Variants in CCDC102B observed in about 807,000 individuals in gnomAD.
CCDC102B encodes coiled-coil domain-containing protein 102B.
In CCDC102B, 75 loss-of-function variants were observed where a neutral mutation model predicts 57.4. The observed-to-expected ratio is 1.31, with a 90% CI of 1.08 to 1.58. CCDC102B has a LOEUF of 1.58. Among genes scored for constraint, CCDC102B ranks in the 40% most tolerant of loss-of-function variants. CCDC102B has a pLI of 0.00. For synonymous variants in CCDC102B, 206 were observed against 201.9 expected (o/e 1.02, Z -0.17); for missense variants, 636 against 582.6 (o/e 1.09, Z -0.94).
intron 7 of CCDC102B, among the ~76,000 whole-genome samples, chr18:69,053,778 T>C (rs1158422259): frequency 6.6e-6 from 1 of 151,892 alleles, no homozygotes; most frequent in Non-Finnish European, 1.5e-5. Flanking sequence ...TATTTTTAAA[T>C]TGACAAGTAA....
At chr18:68,732,157 C>G (rs958779022) in intron 2 of CCDC102B, among the ~76,000 whole-genome samples, 17 of 151,424 alleles carry the variant, frequency 1.1e-4, no homozygotes, top group African/African-American at 4.1e-4. Flanking sequence ...AGGGGGGAAT[C>G]TTCAATCTCT....
intron 7 of CCDC102B, among the ~76,000 whole-genome samples, chr18:69,024,893 T>C (rs554009281): frequency 6.6e-6 from 1 of 152,122 alleles, no homozygotes; most frequent in African/African-American, 2.4e-5. Flanking sequence ...ATATAGTTCT[T>C]ATATAGGTTT....
intron 7 of CCDC102B, among the ~76,000 whole-genome samples, chr18:69,024,240 G>C (rs1568132473): frequency 6.6e-6 from 1 of 151,978 alleles, no homozygotes; most frequent in Non-Finnish European, 1.5e-5. Context: ...TTGAAGGTTT[G>C]TCAGGCAAGT....
chr18:68,950,128 A>G (rs2049653893), intron 6 of CCDC102B, among the ~76,000 whole-genome samples: 1 of 152,268 alleles, frequency 6.6e-6, no homozygotes, highest in African/African-American at 2.4e-5. Context: ...TTCAGGATTC[A>G]GCAAGAGTTG....
chr18:68,785,407 A>T (rs1047359212), intron 2 of CCDC102B, among the ~76,000 whole-genome samples: 2 of 152,178 alleles, frequency 1.3e-5, no homozygotes, highest in Non-Finnish European at 1.5e-5. Context: ...CGCCACATTG[A>T]CTTCCACAAT....
intron 1 of CCDC102B, among the ~76,000 whole-genome samples, chr18:68,816,696 C>T (rs1181008483): frequency 1.3e-5 from 2 of 152,108 alleles, no homozygotes; most frequent in African/African-American, 2.4e-5. Flanking sequence ...GATAACCTGA[C>T]ATCGTGATCC....
rs867454909 is a variant in CCDC102B, at chr18:68,880,176, G to A, written c.1053+5391G>A. Among the ~76,000 whole-genome samples, 280 of 151,938 alleles carry A rather than the reference G, an allele frequency of 1.8e-3. 3 individuals are homozygous for A. Among genetic ancestry groups the A allele is most frequent in the African/African-American group, 6.4e-3 (266 of 41,444 alleles). On this transcript the variant is annotated intron_variant, in intron 5 of 7. Coordinates refer to ENST00000360242, the MANE Select transcript of CCDC102B (RefSeq NM_024781.3). The stretch of plus-strand genomic sequence containing the variant: ...GCTAAGGCCCGGTGAGAAATCGAGC[G>A]CAGCGCCGGTGGGCTGGCACTGCTG...
intron 2 of CCDC102B, among the ~76,000 whole-genome samples, chr18:68,752,222 T>C (rs1192265305): frequency 6.6e-6 from 1 of 152,028 alleles, no homozygotes; most frequent in Non-Finnish European, 1.5e-5. Flanking sequence ...ATCGCGCCAC[T>C]GCACTCCAGC....
At chr18:69,009,287 G>T (rs2145386041) in intron 6 of CCDC102B, among the ~76,000 whole-genome samples, 1 of 152,096 alleles carries the variant, frequency 6.6e-6, no homozygotes, top group East Asian at 1.9e-4. Context: ...ATAAAATAAT[G>T]CAGACAGATC....
At chr18:69,011,237 A>T in intron 7 of CCDC102B, 133 bp downstream of exon 7, 1 of 788,788 alleles carries the variant, frequency 1.3e-6, no homozygotes, top group Non-Finnish European at 2.0e-6. Flanking sequence ...ACTGAAATCA[A>T]TTTAAAAAGA....
intron 7 of CCDC102B, among the ~76,000 whole-genome samples, chr18:69,022,193 C>CTATATATATATATA (rs57226048): frequency 2.0e-3 from 282 of 141,946 alleles, no homozygotes; most frequent in African/African-American, 7.7e-3. Flanking sequence ...ATCCTTTAGC[C>CTATATATATATATA]TATATATATA....
intron 6 of CCDC102B, among the ~76,000 whole-genome samples, chr18:68,911,850 T>A (rs1484633171): frequency 1.4e-5 from 2 of 148,014 alleles, no homozygotes; most frequent in African/African-American, 5.0e-5. Flanking sequence ...CAAACCCCCA[T>A]GATATGAATT....
intron 6 of CCDC102B, among the ~76,000 whole-genome samples, chr18:68,920,299 C>T (rs2041231833): frequency 6.6e-6 from 1 of 152,112 alleles, no homozygotes; most frequent in Non-Finnish European, 1.5e-5. Flanking sequence ...ACCAAAACAG[C>T]ATAGTACTGA....
At chr18:69,009,659 T>G (rs2051448404) in intron 6 of CCDC102B, among the ~76,000 whole-genome samples, 1 of 152,058 alleles carries the variant, frequency 6.6e-6, no homozygotes, top group Admixed American at 6.6e-5. Flanking sequence ...ATTTTATGGC[T>G]ATTTTTTACT....
At chr18:68,863,342 G>A (rs8086158) in intron 4 of CCDC102B, among the ~76,000 whole-genome samples, 51,890 of 151,554 alleles carry the variant, frequency 0.34, 9,787 homozygotes, top group African/African-American at 0.5. Flanking sequence ...CAAAATGAAA[G>A]TCGGATTTAA....
intron 4 of CCDC102B, among the ~76,000 whole-genome samples, chr18:68,848,590 T>C (rs2037979258): frequency 6.6e-6 from 1 of 152,040 alleles, no homozygotes; most frequent in African/African-American, 2.4e-5. Context: ...TCTAAGTGTT[T>C]AAAATACAAC....
intron 7 of CCDC102B, among the ~76,000 whole-genome samples, chr18:69,036,231 A>G (rs2052288367): frequency 6.6e-6 from 1 of 151,788 alleles, no homozygotes; most frequent in Non-Finnish European, 1.5e-5. Flanking sequence ...AGAAATTACT[A>G]TTTTCTAATA....
chr18:68,911,509 T>A (rs1194021862), intron 6 of CCDC102B, among the ~76,000 whole-genome samples: 1 of 150,104 alleles, frequency 6.7e-6, no homozygotes, highest in South Asian at 2.1e-4. Context: ...TCCCAGCACT[T>A]TGGGAGGCCG....
rs1332247600 is a variant in CCDC102B, at chr18:68,837,233, A to T, written c.470A>T (p.Asp157Val). Residue 157 changes from aspartate to valine, a missense_variant, in exon 2 of 8, where the codon GAT (aspartate) becomes GTT (valine). Transcript: ENST00000360242. ...GCATTAGAAGCTAAAGTTACCCAGGATCTGAAGCTTCCTGGCTTCGTAGAA... is the reference window on the plus strand; with the variant it reads ...GCATTAGAAGCTAAAGTTACCCAGGTTCTGAAGCTTCCTGGCTTCGTAGAA... The part of the protein sequence containing the change: ...KEALEAKVTQ[D>V]LKLPGFVEES... The T allele has an allele frequency of 6.2e-7, 1 of 1,613,900 alleles. No homozygotes were observed. Among genetic ancestry groups the T allele is most frequent in the Non-Finnish European group, 8.5e-7 (1 of 1,179,896 alleles).
Sources: gnomAD v4.1 joint callset for allele counts (sites outside exome capture counted in the v4.1 genomes callset) on GRCh38, gnomAD v4.1.1 for gene constraint, MANE v1.5 for transcripts, NCBI Gene and HGNC (gene_info 2026-07-23, HGNC 2026-07-21) for gene names.